APBB2: variants seen among roughly 807,000 people sequenced by gnomAD.
The protein encoded by APBB2 is amyloid beta precursor protein binding family B member 2, also known as Fe65-like 1.
Under a neutral mutation model 82.5 loss-of-function variants are expected in APBB2, and 38 were observed. That is an observed-to-expected ratio of 0.46 (90% CI 0.36 to 0.60). The LOEUF is 0.60. APBB2 is among the 20% of genes least tolerant of loss of function. The pLI, the probability that APBB2 is intolerant of heterozygous loss-of-function variation, is 0.00. For synonymous variants in APBB2, 341 were observed against 368.2 expected (o/e 0.93, Z 0.85); for missense variants, 772 against 972.3 (o/e 0.79, Z 2.74).
intron 12 of APBB2, chr4:40,880,001 C>A (rs1160961093): frequency 1.0e-6 from 1 of 984,798 alleles, no homozygotes; most frequent in East Asian, 1.1e-4. Flanking sequence ...AGACCCAGGA[C>A]AATATTTCAA....
At chr4:41,081,257 AGTGT>A (rs961866524) in intron 3 of APBB2, among the ~76,000 whole-genome samples, 16 of 152,130 alleles carry the variant, frequency 1.1e-4, no homozygotes, top group Non-Finnish European at 2.2e-4. Context: ...TCTGCACAGC[AGTGT>A]GTGTGTGTCT....
intron 10 of APBB2, among the ~76,000 whole-genome samples, chr4:40,896,391 C>T (rs1773670308): frequency 6.6e-6 from 1 of 152,180 alleles, no homozygotes; most frequent in Non-Finnish European, 1.5e-5. Context: ...GTATGTGGAT[C>T]AAGAGTAGGA....
chr4:40,918,862 C>T (rs1334931330), intron 10 of APBB2, among the ~76,000 whole-genome samples: 1 of 151,950 alleles, frequency 6.6e-6, no homozygotes, highest in Non-Finnish European at 1.5e-5. Context: ...GCTCCCACCT[C>T]GGCCTCCCAG....
intron 10 of APBB2, among the ~76,000 whole-genome samples, chr4:40,925,318 A>G (rs183301776): frequency 6.6e-6 from 1 of 152,232 alleles, no homozygotes; most frequent in East Asian, 1.9e-4. Flanking sequence ...TAGTGTTTAT[A>G]GTATGTCAAT....
rs367874930 is a variant in APBB2, at chr4:40,964,887, A to G, written c.836-19814T>C. ...TGTAATCTTAGCACTTTGGGAGGCC[A>G]AGGCGGGCAGATCACGAGGTCAGGA... On this transcript the variant is annotated intron_variant, in intron 6 of 17. Coordinates refer to ENST00000508593, the MANE Select transcript of APBB2 (RefSeq NM_004307.2). Among the ~76,000 whole-genome samples, 618 of 151,888 alleles carry G rather than the reference A, an allele frequency of 4.1e-3. 2 individuals carry two copies. Among genetic ancestry groups the G allele is most frequent in the Middle Eastern group, 0.017 (5 of 294 alleles).
chr4:40,934,892 A>T, intron 8 of APBB2, 185 bp downstream of exon 8: 1 of 677,866 alleles, frequency 1.5e-6, no homozygotes, highest in Non-Finnish European at 2.5e-6. Flanking sequence ...CGGGGAACCT[A>T]GGGCATTCAC....
intron 3 of APBB2, chr4:41,084,664 G>A (rs11733748): frequency 0.13 from 19,416 of 152,154 alleles, 1,568 homozygotes; most frequent in Non-Finnish European, 0.18. Flanking sequence ...AGATTAGCAT[G>A]GTCCCTGCAC....
chr4:40,922,351 A>G (rs988214935), intron 10 of APBB2, among the ~76,000 whole-genome samples: 2 of 152,236 alleles, frequency 1.3e-5, no homozygotes, highest in Admixed American at 6.5e-5. Flanking sequence ...GAATACATAC[A>G]TGCCGAGTGA....
At chr4:41,122,348 A>G (rs1290450458) in intron 2 of APBB2, among the ~76,000 whole-genome samples, 1 of 152,016 alleles carries the variant, frequency 6.6e-6, no homozygotes, top group Non-Finnish European at 1.5e-5. Context: ...TTTTTTTGAA[A>G]ATTTTTTATA....
intron 12 of APBB2, among the ~76,000 whole-genome samples, chr4:40,852,851 G>A (rs1167782588): frequency 1.3e-5 from 2 of 152,098 alleles, no homozygotes; most frequent in African/African-American, 2.4e-5. Context: ...ACGTTGCCCA[G>A]GCTGGTCTTA....
At chr4:41,112,869 C>T (rs529433742) in intron 2 of APBB2, among the ~76,000 whole-genome samples, 1 of 152,224 alleles carries the variant, frequency 6.6e-6, no homozygotes, top group Non-Finnish European at 1.5e-5. Flanking sequence ...CACCTGTAAT[C>T]CCAGCTACTC....
intron 12 of APBB2, among the ~76,000 whole-genome samples, chr4:40,837,032 G>C (rs1754179712): frequency 6.6e-6 from 1 of 152,234 alleles, no homozygotes; most frequent in South Asian, 2.1e-4. Flanking sequence ...TCATACGTAA[G>C]AGCAACAGGG....
chr4:41,067,064 C>G (rs1307318524), intron 3 of APBB2, among the ~76,000 whole-genome samples: 3 of 152,080 alleles, frequency 2.0e-5, no homozygotes, highest in Non-Finnish European at 4.4e-5. Context: ...GTAGTGACAA[C>G]CAAGGTAGAG....
chr4:41,149,681 CTG>C (rs764226005), intron 1 of APBB2, among the ~76,000 whole-genome samples: 3 of 152,212 alleles, frequency 2.0e-5, no homozygotes, highest in Non-Finnish European at 4.4e-5. Context: ...TACGATTTGA[CTG>C]TGTCCCCACC....
chr4:41,210,455 C>G (rs1439464985), intron 1 of APBB2, among the ~76,000 whole-genome samples: 1 of 152,220 alleles, frequency 6.6e-6, no homozygotes, highest in East Asian at 1.9e-4. Flanking sequence ...CCAAATCCCC[C>G]CAGACCCTTT....
intron 12 of APBB2, among the ~76,000 whole-genome samples, chr4:40,847,486 T>C (rs1483364829): frequency 5.3e-5 from 8 of 152,010 alleles, no homozygotes. Flanking sequence ...ACGAAACACC[T>C]TGACACCAGA....
rs1195211090 is a variant in APBB2 at position 40,819,522 on chromosome 4, G to A, written c.2112+2349C>T. ...TTATCTACCTCCATTTTCCACAAAA[G>A]AAAACCTAGCTGGGCATGGTGGTGC... On this transcript the variant is annotated intron_variant, in intron 17 of 17. Transcript: ENST00000508593. Among the ~76,000 whole-genome samples, 6 of 151,910 alleles carry A rather than the reference G, an allele frequency of 3.9e-5. No homozygotes were observed. In the East Asian group the frequency reaches 1.2e-3, roughly 29 times the overall value.
intron 17 of APBB2, among the ~76,000 whole-genome samples, chr4:40,821,182 A>G (rs979254478): frequency 3.5e-4 from 53 of 152,288 alleles, no homozygotes; most frequent in African/African-American, 1.2e-3. Flanking sequence ...CCTCATTTTT[A>G]TTAGAACTTT....
chr4:41,014,477 GA>G, intron 5 of APBB2, 79 bp from the exon 6 acceptor site: 1 of 1,333,192 alleles, frequency 7.5e-7, no homozygotes, highest in Non-Finnish European at 1.1e-6. Context: ...TTTTTATATA[GA>G]AAACTAAAAG....
Sources: gnomAD v4.1 joint callset for allele counts (sites outside exome capture counted in the v4.1 genomes callset) on GRCh38, gnomAD v4.1.1 for gene constraint, MANE v1.5 for transcripts, NCBI Gene and HGNC (gene_info 2026-07-23, HGNC 2026-07-21) for gene names.